Variants in SAXO1 observed in about 807,000 individuals in gnomAD.
The protein encoded by SAXO1 is 4930500O09Rik.
In SAXO1, 21 loss-of-function variants were observed where a neutral mutation model predicts 17.5. That is an observed-to-expected ratio of 1.20 (90% confidence interval 0.85 to 1.72). The LOEUF (loss-of-function observed/expected upper bound fraction) is 1.72, where lower values mean the gene tolerates loss of function less well. SAXO1 is among the 40% of genes most tolerant of loss of function. The probability of loss-of-function intolerance (pLI) is 0.00; values close to 1 mark genes in which losing one functional copy is unlikely to be tolerated. For synonymous variants in SAXO1, 274 were observed against 216.5 expected (o/e 1.27, Z -2.33); for missense variants, 843 against 596.0 (o/e 1.41, Z -4.32).
intron 2 of SAXO1, 62 bp from the exon 3 acceptor site, chr9:18,941,901 G>A: frequency 6.7e-7 from 1 of 1,482,772 alleles, no homozygotes; most frequent in Non-Finnish European, 9.4e-7. Context: ...TATGTTTTCT[G>A]CTCAACCCAA....
intron 1 of SAXO1, among the ~76,000 whole-genome samples, chr9:18,984,477 G>C (rs1833517622): frequency 6.6e-6 from 1 of 152,224 alleles, no homozygotes; most frequent in Non-Finnish European, 1.5e-5. Flanking sequence ...AGTGATCTTA[G>C]CTAGATTTTC....
chr9:19,001,534 G>A (rs113902510), intron 1 of SAXO1, among the ~76,000 whole-genome samples: 2,769 of 152,076 alleles, frequency 0.018, 81 homozygotes, highest in African/African-American at 0.061. Flanking sequence ...AGGTGTGGTG[G>A]CGGGCACCTG....
intron 3 of SAXO1, among the ~76,000 whole-genome samples, 153 bp downstream of exon 3, chr9:18,941,484 G>A (rs1466543475): frequency 1.3e-5 from 2 of 152,008 alleles, no homozygotes; most frequent in East Asian, 3.8e-4. Flanking sequence ...TAGCTCTCCA[G>A]CTATACAAAA....
rs918708167 is a variant in SAXO1 at position 18,978,806 on chromosome 9, C to T, written c.39-27869G>A. Among the ~76,000 whole-genome samples the T allele has an allele frequency of 3.9e-5, 6 of 152,154 alleles. No individual in the cohort carries two copies. The South Asian group carries it at 6.2e-4, about 16-fold the overall frequency. ...TGTCAGAGAAGCTAAATAATTTGCC[C>T]AAGAGCCAAGATCCAACCCCATGTT... On this transcript the variant is annotated intron_variant, in intron 1 of 3. Transcript: ENST00000380534.
intron 3 of SAXO1, among the ~76,000 whole-genome samples, chr9:18,938,819 TGC>T (rs751651012): frequency 4.6e-4 from 52 of 112,204 alleles, no homozygotes; most frequent in African/African-American, 1.8e-3. Flanking sequence ...CATGCGTGCG[TGC>T]GTGTGTGTGT....
intron 1 of SAXO1, among the ~76,000 whole-genome samples, chr9:19,046,644 G>A (rs1187026949): frequency 1.3e-5 from 2 of 151,826 alleles, no homozygotes; most frequent in Non-Finnish European, 2.9e-5. Flanking sequence ...AGAGGTTGTG[G>A]TGAGCTGAGA....
chr9:18,956,234 A>C (rs949529189), intron 1 of SAXO1, among the ~76,000 whole-genome samples: 1 of 151,856 alleles, frequency 6.6e-6, no homozygotes, highest in African/African-American at 2.4e-5. Context: ...TACAGGTATA[A>C]GCACCATGAC....
chr9:18,935,031 G>A (rs142518780), intron 3 of SAXO1, among the ~76,000 whole-genome samples: 5 of 152,192 alleles, frequency 3.3e-5, no homozygotes, highest in East Asian at 1.9e-4. Flanking sequence ...GGGTTCAAGC[G>A]ATTCTCCTGC....
At chr9:18,956,764 G>A (rs1001876771) in intron 1 of SAXO1, among the ~76,000 whole-genome samples, 3 of 152,228 alleles carry the variant, frequency 2.0e-5, no homozygotes, top group Non-Finnish European at 2.9e-5. Flanking sequence ...CAAGCAGGCT[G>A]TAATTAAAAG....
chr9:19,029,653 A>C (rs946464304), intron 1 of SAXO1, among the ~76,000 whole-genome samples: 1 of 152,200 alleles, frequency 6.6e-6, no homozygotes, highest in Non-Finnish European at 1.5e-5. Context: ...GTCCAACAGA[A>C]CTTTCCGCAG....
chr9:19,024,188 C>G (rs1053940102), intron 1 of SAXO1, among the ~76,000 whole-genome samples: 3 of 151,874 alleles, frequency 2.0e-5, no homozygotes, highest in African/African-American at 7.3e-5. Flanking sequence ...CCTGCAGGCT[C>G]AAGTACTCAG....
intron 1 of SAXO1, among the ~76,000 whole-genome samples, chr9:19,030,527 G>A (rs1835713927): frequency 2.0e-5 from 3 of 152,072 alleles, no homozygotes; most frequent in Non-Finnish European, 4.4e-5. Flanking sequence ...CCAACATGGT[G>A]AAACCCCATC....
intron 1 of SAXO1, among the ~76,000 whole-genome samples, chr9:18,958,999 A>G (rs1186259258): frequency 6.6e-6 from 1 of 152,222 alleles, no homozygotes; most frequent in Non-Finnish European, 1.5e-5. Context: ...AACGACTTTT[A>G]TATGTTTAAC....
chr9:19,027,356 T>C, intron 1 of SAXO1: 1 of 780,138 alleles, frequency 1.3e-6, no homozygotes, highest in Non-Finnish European at 2.4e-6. Context: ...GACTCGCGGG[T>C]GAAGGCCACA....
At chr9:18,961,579 C>T (rs940396333) in intron 1 of SAXO1, among the ~76,000 whole-genome samples, 22 of 151,756 alleles carry the variant, frequency 1.4e-4, no homozygotes, top group Non-Finnish European at 2.1e-4. Flanking sequence ...TGAGTGGGAA[C>T]ATGTGGTGTT....
intron 1 of SAXO1, among the ~76,000 whole-genome samples, chr9:18,968,937 G>T (rs112094757): frequency 6.6e-6 from 1 of 152,090 alleles, no homozygotes; most frequent in Admixed American, 6.5e-5. Flanking sequence ...GGTAGGTAGG[G>T]GTAAAAAACA....
chr9:19,034,996 G>A (rs181048207), upstream of SAXO1, among the ~76,000 whole-genome samples: 3 of 152,230 alleles, frequency 2.0e-5, no homozygotes, highest in Admixed American at 1.3e-4. Flanking sequence ...CTCAATAGAG[G>A]GTAGAGATCT....
chr9:18,965,031 A>G (rs1332554491), intron 1 of SAXO1, among the ~76,000 whole-genome samples: 2 of 152,180 alleles, frequency 1.3e-5, no homozygotes, highest in Non-Finnish European at 2.9e-5. Flanking sequence ...GACATTCAGG[A>G]GCAGGTTGTT....
chr9:19,001,945 A>G (rs1424959224), intron 1 of SAXO1, among the ~76,000 whole-genome samples: 4 of 152,168 alleles, frequency 2.6e-5, no homozygotes, highest in South Asian at 2.1e-4. Context: ...AAAAAAATCA[A>G]TGAATCCAGG....
Sources: gnomAD v4.1 joint callset for allele counts (sites outside exome capture counted in the v4.1 genomes callset) on GRCh38, gnomAD v4.1.1 for gene constraint, MANE v1.5 for transcripts, NCBI Gene and HGNC (gene_info 2026-07-23, HGNC 2026-07-21) for gene names.